Variants in SSBP2 observed in about 807,000 individuals in gnomAD.
SSBP2 encodes the protein single stranded DNA binding protein 2, also known as single-stranded DNA-binding protein 2.
A neutral mutation model predicts 61.8 loss-of-function variants in SSBP2; 17 were observed. The observed-to-expected ratio is 0.28, with a 90% CI of 0.19 to 0.41. SSBP2 has a LOEUF of 0.41. Ranked by LOEUF, SSBP2 falls within the 10% of genes least tolerant of loss-of-function variation. SSBP2 has a pLI of 1.00. For missense variants in SSBP2, 310 were observed against 458.7 expected (o/e 0.68, Z 2.96); for synonymous variants, 139 against 141.3 (o/e 0.98, Z 0.12).
At chr5:81,513,282 A>G (rs1768758014) in intron 5 of SSBP2, among the ~76,000 whole-genome samples, 1 of 152,104 alleles carries the variant, frequency 6.6e-6, no homozygotes, top group South Asian at 2.1e-4. Flanking sequence ...CATCTTGTCT[A>G]TGCTTGTATA....
intron 1 of SSBP2, among the ~76,000 whole-genome samples, chr5:81,655,268 T>G (rs1364363979): frequency 6.6e-6 from 1 of 152,198 alleles, no homozygotes; most frequent in Non-Finnish European, 1.5e-5. Context: ...AATTAACATC[T>G]TCCTTTTCCT....
chr5:81,478,824 T>C (rs1413679866), intron 6 of SSBP2, among the ~76,000 whole-genome samples: 4 of 152,208 alleles, frequency 2.6e-5, no homozygotes, highest in Admixed American at 1.3e-4. Flanking sequence ...ACTCTGAACT[T>C]TGACACTTAA....
chr5:81,657,054 C>CT (rs1750293737), intron 1 of SSBP2, among the ~76,000 whole-genome samples: 1 of 152,040 alleles, frequency 6.6e-6, no homozygotes, highest in African/African-American at 2.4e-5. Context: ...TATTGCAGGC[C>CT]TTTTTTCCTA....
intron 1 of SSBP2, among the ~76,000 whole-genome samples, chr5:81,747,512 G>C (rs1223651752): frequency 6.6e-6 from 1 of 151,996 alleles, no homozygotes; most frequent in African/African-American, 2.4e-5. Flanking sequence ...ATAAATAATA[G>C]TTATTTTTGT....
At chr5:81,523,697 A>T (rs554113234) in intron 4 of SSBP2, among the ~76,000 whole-genome samples, 20 of 152,076 alleles carry the variant, frequency 1.3e-4, no homozygotes, top group African/African-American at 4.3e-4. Flanking sequence ...GGTTGGGTAA[A>T]TTTTTACTAG....
At chr5:81,713,785 CAA>C (rs1001383792) in intron 1 of SSBP2, among the ~76,000 whole-genome samples, 1 of 151,982 alleles carries the variant, frequency 6.6e-6, no homozygotes, top group Non-Finnish European at 1.5e-5. Flanking sequence ...AACAAACAAA[CAA>C]AAAGAGTAAC....
At chr5:81,740,490 T>A (rs1244541315) in intron 1 of SSBP2, among the ~76,000 whole-genome samples, 7 of 152,142 alleles carry the variant, frequency 4.6e-5, no homozygotes, top group Admixed American at 4.6e-4. Flanking sequence ...ATAGCCAGTA[T>A]TACAGAAATG....
chr5:81,480,340 A>C (rs1196183830), intron 6 of SSBP2, among the ~76,000 whole-genome samples: 1 of 152,164 alleles, frequency 6.6e-6, no homozygotes, highest in Admixed American at 6.6e-5. Context: ...GAGTCATATG[A>C]ATTTTTTGGT....
At chr5:81,505,063 G>A (rs1233948722) in intron 5 of SSBP2, among the ~76,000 whole-genome samples, 1 of 152,184 alleles carries the variant, frequency 6.6e-6, no homozygotes, top group Non-Finnish European at 1.5e-5. Flanking sequence ...TTACCCTTTG[G>A]ATCTCTCATA....
At chr5:81,530,672 T>C (rs1375326671) in intron 4 of SSBP2, among the ~76,000 whole-genome samples, 1 of 152,234 alleles carries the variant, frequency 6.6e-6, no homozygotes, top group East Asian at 1.9e-4. Flanking sequence ...CAGAATAGTA[T>C]AGTGTACATA....
At chr5:81,520,481 A>C (rs1411527413) in intron 4 of SSBP2, among the ~76,000 whole-genome samples, 2 of 152,194 alleles carry the variant, frequency 1.3e-5, no homozygotes, top group Non-Finnish European at 2.9e-5. Context: ...TACGAAAAAA[A>C]TGAGAATACC....
At chr5:81,582,482 AT>A (rs1774733843) in intron 4 of SSBP2, among the ~76,000 whole-genome samples, 1 of 152,194 alleles carries the variant, frequency 6.6e-6, no homozygotes, top group Non-Finnish European at 1.5e-5. Flanking sequence ...AATTAACTTT[AT>A]AATATGTACT....
chr5:81,438,021 A>G lies in SSBP2; in HGVS notation c.929-563T>C, dbSNP rs971037441. Among the ~76,000 whole-genome samples, 45 of 152,168 alleles carry G rather than the reference A, an allele frequency of 3.0e-4. 1 individual carries two copies. The highest frequency in any genetic ancestry group is 1.0e-3 in the African/African-American group (43 of 41,450). ...TTATATTTTTATTTTGATCCTTGGA[A>G]GAAATAAACAATCAATATGAATTTC... On this transcript the variant is annotated intron_variant, in intron 14 of 16. Transcript: ENST00000320672.
chr5:81,590,392 A>C (rs375035308), intron 4 of SSBP2, among the ~76,000 whole-genome samples: 145 of 152,328 alleles, frequency 9.5e-4, no homozygotes, highest in African/African-American at 3.4e-3. Context: ...CAACAACAAA[A>C]AGGCAGCTTA....
At position 81,640,868 on chromosome 5, in the gene SSBP2, A is replaced by G. The variant is rs539602727; in HGVS notation, c.136-4250T>C. Among the ~76,000 whole-genome samples the G allele has an allele frequency of 9.8e-5, 15 of 152,332 alleles. No individual in the cohort carries two copies. The South Asian group carries it at 2.3e-3, about 23-fold the overall frequency. The stretch of plus-strand genomic sequence containing the variant: ...CTAGTTGGTATCTTCTTGAAAGAAC[A>G]TAAGAATAAATAAACCCTCACCAAC... On this transcript the variant is annotated intron_variant, in intron 2 of 16. Coordinates refer to ENST00000320672, the MANE Select transcript of SSBP2 (RefSeq NM_012446.5).
At chr5:81,589,859 A>C (rs1775357785) in intron 4 of SSBP2, among the ~76,000 whole-genome samples, 1 of 152,038 alleles carries the variant, frequency 6.6e-6, no homozygotes. Flanking sequence ...GTGAGAGAGC[A>C]AGAGGGTGAG....
chr5:81,601,403 A>G (rs1027952792), intron 4 of SSBP2, among the ~76,000 whole-genome samples: 2 of 152,198 alleles, frequency 1.3e-5, no homozygotes, highest in Non-Finnish European at 2.9e-5. Flanking sequence ...ACCTACATAT[A>G]TGATAAAAAT....
At chr5:81,465,907 G>A (rs1330268900) in intron 9 of SSBP2, among the ~76,000 whole-genome samples, 2 of 151,928 alleles carry the variant, frequency 1.3e-5, no homozygotes, top group African/African-American at 4.8e-5. Context: ...TGCTCTGTTA[G>A]TTTTAAGCCT....
intron 4 of SSBP2, among the ~76,000 whole-genome samples, chr5:81,558,404 C>T (rs1267471411): frequency 6.6e-6 from 1 of 152,186 alleles, no homozygotes; most frequent in South Asian, 2.1e-4. Flanking sequence ...TTGCAGATGG[C>T]TATCTTCCTA....
Sources: allele counts gnomAD v4.1 joint callset (sites outside exome capture counted in the v4.1 genomes callset), GRCh38; gene constraint gnomAD v4.1.1; transcripts MANE v1.5; gene names NCBI Gene and HGNC (gene_info 2026-07-23, HGNC 2026-07-21).